The following XRCC4 variants were observed in gnomAD, a reference collection of about 807,000 sequenced individuals.
The protein encoded by XRCC4 is X-ray repair cross complementing 4, also known as DNA repair protein XRCC4.
XRCC4 carries 28 observed loss-of-function variants against 39.1 expected under a neutral mutation model. The ratio of observed to expected loss-of-function variants is 0.72; its 90% confidence interval spans 0.53 to 0.98. The LOEUF (loss-of-function observed/expected upper bound fraction) is 0.98, where lower values mean the gene tolerates loss of function less well. Among genes scored for constraint, XRCC4 ranks in the 50% least tolerant of loss-of-function variants. The probability of loss-of-function intolerance (pLI) is 0.00; values close to 1 mark genes in which losing one functional copy is unlikely to be tolerated. For missense variants in XRCC4, 350 were observed against 376.4 expected, an observed-to-expected ratio of 0.93 and a Z score of 0.58; for synonymous variants, 123 against 126.4, an observed-to-expected ratio of 0.97 and a Z score of 0.18.
chr5:83,217,851 A>G (rs72767201), intron 6 of XRCC4, among the ~76,000 whole-genome samples: 2,081 of 152,244 alleles, frequency 0.014, 16 homozygotes, highest in Middle Eastern at 0.051. Context: ...TCTGCCACCC[A>G]TAAGACTGCT....
At chr5:83,365,543 C>A in the XRCC4 span, among the ~76,000 whole-genome samples, 2 of 152,100 alleles carry the variant, frequency 1.3e-5, no homozygotes, top group South Asian at 2.1e-4. Flanking sequence ...AAGGGTGAGA[C>A]ACATACGGTT....
At chr5:83,219,819 A>C (rs1294252185) in intron 6 of XRCC4, among the ~76,000 whole-genome samples, 1 of 152,170 alleles carries the variant, frequency 6.6e-6, no homozygotes, top group Non-Finnish European at 1.5e-5. Context: ...ATATTTAGTT[A>C]AACACGTATT....
intron 1 of XRCC4, among the ~76,000 whole-genome samples, chr5:83,095,999 A>G (rs1298784923): frequency 6.6e-6 from 1 of 151,484 alleles, no homozygotes. Context: ...GAATCCCAGA[A>G]GTTCTTTGCA....
At chr5:83,256,801 G>A (rs1220203334) in intron 6 of XRCC4, among the ~76,000 whole-genome samples, 1 of 151,974 alleles carries the variant, frequency 6.6e-6, no homozygotes, top group Non-Finnish European at 1.5e-5. Context: ...TACCAACTAG[G>A]AAAAAATATT....
At chr5:83,181,499 G>T (rs1285051606) in intron 3 of XRCC4, among the ~76,000 whole-genome samples, 1 of 152,000 alleles carries the variant, frequency 6.6e-6, no homozygotes, top group Non-Finnish European at 1.5e-5. Context: ...TTCATTTATT[G>T]TGTAATTCTC....
At chr5:83,266,763 G>A (rs1753969088) in intron 7 of XRCC4, among the ~76,000 whole-genome samples, 3 of 152,110 alleles carry the variant, frequency 2.0e-5, no homozygotes, top group South Asian at 4.1e-4. Context: ...ATATGTATAT[G>A]TTACTTTGTA....
the XRCC4 span, among the ~76,000 whole-genome samples, chr5:83,370,197 A>G: frequency 6.6e-6 from 1 of 152,078 alleles, no homozygotes; most frequent in African/African-American, 2.4e-5. Flanking sequence ...GGCCCCTTAA[A>G]TCATATTATT....
At chr5:83,252,504 G>T (rs1753361243) in intron 6 of XRCC4, among the ~76,000 whole-genome samples, 1 of 151,460 alleles carries the variant, frequency 6.6e-6, no homozygotes, top group Non-Finnish European at 1.5e-5. Context: ...TAGCCTAAAT[G>T]AATATTAATT....
At chr5:83,175,548 G>A (rs1339167980) in intron 3 of XRCC4, among the ~76,000 whole-genome samples, 1 of 152,100 alleles carries the variant, frequency 6.6e-6, no homozygotes, top group African/African-American at 2.4e-5. Context: ...GCTCACACCT[G>A]TAATCCCAGC....
intron 7 of XRCC4, among the ~76,000 whole-genome samples, chr5:83,345,425 T>C (rs1468617114): frequency 6.6e-6 from 1 of 152,188 alleles, no homozygotes; most frequent in African/African-American, 2.4e-5. Flanking sequence ...GTATATGTGT[T>C]GTATAGGTAG....
rs28360080 is a variant in XRCC4 at position 83,148,878 on chromosome 5, G to A, written c.315+37675G>A. Among the ~76,000 whole-genome samples, 240 of 151,952 alleles carry A rather than the reference G, an allele frequency of 1.6e-3. 1 individual carries two copies. Among genetic ancestry groups the A allele is most frequent in the African/African-American group, 5.7e-3 (238 of 41,486 alleles). On this transcript the variant is annotated intron_variant, in intron 3 of 7. Transcript: ENST00000396027. ...AATAACAATGAAGAAATAAAAAATA[G>A]TAAAGAGATTGTATCAAATGTACTC...
At chr5:83,091,792 T>C (rs1580310) in intron 1 of XRCC4, among the ~76,000 whole-genome samples, 74,956 of 152,112 alleles carry the variant, frequency 0.49, 19,376 homozygotes, top group African/African-American at 0.64. Context: ...TATTCCATTA[T>C]TTGGCTATTG....
downstream of XRCC4, chr5:83,356,790 A>G (rs1430170023): frequency 1.1e-5 from 5 of 451,432 alleles, no homozygotes; most frequent in Non-Finnish European, 2.2e-5. Flanking sequence ...ACAATGCAGC[A>G]TGGCTTTTTT....
chr5:83,339,627 A>C (rs1239326758), intron 7 of XRCC4, among the ~76,000 whole-genome samples: 1 of 145,974 alleles, frequency 6.9e-6, no homozygotes, highest in Non-Finnish European at 1.5e-5. Flanking sequence ...AAAGTATAAT[A>C]AAAAAAAAAA....
chr5:83,212,064 G>A (rs760706440), intron 6 of XRCC4, among the ~76,000 whole-genome samples: 1 of 151,656 alleles, frequency 6.6e-6, no homozygotes, highest in Non-Finnish European at 1.5e-5. Context: ...ATCTATATCT[G>A]TATCTATATA....
chr5:83,296,645 A>C (rs1755105368), intron 7 of XRCC4, among the ~76,000 whole-genome samples: 1 of 150,904 alleles, frequency 6.6e-6, no homozygotes, highest in African/African-American at 2.4e-5. Flanking sequence ...AGGTTGTGAA[A>C]GTGAGAGCAG....
chr5:83,337,915 G>A (rs546265997), intron 7 of XRCC4, among the ~76,000 whole-genome samples: 8 of 152,056 alleles, frequency 5.3e-5, no homozygotes, highest in South Asian at 2.1e-4. Context: ...CTTCTCTCCC[G>A]GAAGAGTCGT....
In XRCC4 at chr5:83,204,902, T is replaced by A; in HGVS notation, c.726T>A (p.Asp242Glu). ...ATGAGGAAAGTGAAAACCAAACTGA[T>A]CTCTCTGGGTTGGCTTCAGGTAAGA... ...STDEESENQT[D>E]LSGLASAAVS... Residue 242 changes from aspartate (D) to glutamate (E), a missense_variant, in exon 6 of 8, where the codon GAT (aspartate) becomes GAA (glutamate). Transcript: ENST00000396027. 1.2e-6 allele frequency: 2 copies of A among 1,611,834 alleles called. No individual in the cohort carries two copies. The highest frequency in any genetic ancestry group is 2.2e-5 in the South Asian group (2 of 90,924).
chr5:83,357,626 A>G (rs1259371591), downstream of XRCC4, among the ~76,000 whole-genome samples: 1 of 152,224 alleles, frequency 6.6e-6, no homozygotes, highest in Non-Finnish European at 1.5e-5. Context: ...AATGTTGGCC[A>G]AAGGTATTTT....
Sources: gnomAD v4.1 joint callset for allele counts (sites outside exome capture counted in the v4.1 genomes callset) on GRCh38, gnomAD v4.1.1 for gene constraint, MANE v1.5 for transcripts, NCBI Gene and HGNC (gene_info 2026-07-23, HGNC 2026-07-21) for gene names.